The following PDLIM5 variants were observed in gnomAD, a reference collection of about 807,000 sequenced individuals.
PDLIM5 encodes the protein PDZ and LIM domain 5.
Under a neutral mutation model 64.2 loss-of-function variants are expected in PDLIM5, and 34 were observed. The ratio of observed to expected loss-of-function variants is 0.53; its 90% CI spans 0.40 to 0.71. The LOEUF (loss-of-function observed/expected upper bound fraction) is 0.71. PDLIM5 is among the 30% of genes least tolerant of loss of function. The pLI, the probability that PDLIM5 is intolerant of heterozygous loss-of-function variation, is 0.00. For missense variants in PDLIM5, 683 were observed against 733.6 expected, an observed-to-expected ratio of 0.93 and a Z score of 0.80; for synonymous variants, 253 against 269.1, an observed-to-expected ratio of 0.94 and a Z score of 0.59.
At chr4:94,538,728 ACTTT>A (rs910348615) in intron 3 of PDLIM5, among the ~76,000 whole-genome samples, 1 of 152,030 alleles carries the variant, frequency 6.6e-6, no homozygotes, top group Non-Finnish European at 1.5e-5. Context: ...CTTTTCTTAT[ACTTT>A]CTTTAAGTTG....
chr4:94,490,378 T>C (rs1230796045), intron 2 of PDLIM5, among the ~76,000 whole-genome samples: 3 of 152,040 alleles, frequency 2.0e-5, no homozygotes, highest in Non-Finnish European at 4.4e-5. Context: ...AAAATTAAAA[T>C]AAAAATAAGC....
chr4:94,454,427 A>G (rs919602999), intron 1 of PDLIM5, among the ~76,000 whole-genome samples: 3 of 152,098 alleles, frequency 2.0e-5, no homozygotes, highest in African/African-American at 7.2e-5. Flanking sequence ...AAAGCACCGA[A>G]GCACTGGTTC....
chr4:94,641,953 G>C (rs940220519), intron 9 of PDLIM5, among the ~76,000 whole-genome samples: 1 of 152,216 alleles, frequency 6.6e-6, no homozygotes, highest in Non-Finnish European at 1.5e-5. Context: ...GAAAGTGCTA[G>C]TATGGGGTCT....
At chr4:94,472,714 G>A (rs1724988638) in intron 2 of PDLIM5, among the ~76,000 whole-genome samples, 1 of 152,034 alleles carries the variant, frequency 6.6e-6, no homozygotes, top group Admixed American at 6.6e-5. Flanking sequence ...AGATAAAGTT[G>A]GGAGATTTGT....
chr4:94,654,520 C>T lies in PDLIM5; in HGVS notation c.1344C>T (p.His448=). The T allele has an allele frequency of 6.2e-7, 1 of 1,612,090 alleles. No homozygotes were observed. Among genetic ancestry groups the T allele is most frequent in the Non-Finnish European group, 8.5e-7 (1 of 1,178,152 alleles). Residue 448 remains histidine (H), a synonymous_variant, in exon 10 of 13, where the codon CAC becomes CAT. Coordinates refer to ENST00000317968, the MANE Select transcript of PDLIM5 (RefSeq NM_006457.5). ...ACCCAGAAGAATTCAACTGCGCTCA[C>T]TGCAAAAATACAATGGCCTACATTG... ...SWHPEEFNCA[H]CKNTMAYIGF...
intron 7 of PDLIM5, chr4:94,608,221 A>G (rs1446674592): frequency 7.1e-7 from 1 of 1,409,434 alleles, no homozygotes; most frequent in Non-Finnish European, 9.6e-7. Context: ...CAAAGCTGGT[A>G]GTGAATTTAA....
chr4:94,488,684 G>T (rs1726572927), intron 2 of PDLIM5, among the ~76,000 whole-genome samples: 1 of 152,100 alleles, frequency 6.6e-6, no homozygotes, highest in South Asian at 2.1e-4. Flanking sequence ...ATTTAAAATA[G>T]AACACTTACA....
chr4:94,478,718 A>G (rs1013051699), intron 2 of PDLIM5, among the ~76,000 whole-genome samples: 5 of 152,152 alleles, frequency 3.3e-5, no homozygotes, highest in Non-Finnish European at 5.9e-5. Context: ...TTACAAATGT[A>G]CAGGTCATGG....
chr4:94,667,247 G>C lies in PDLIM5; in HGVS notation c.*3180G>C, dbSNP rs1351585208. On this transcript the variant is annotated 3_prime_UTR_variant, in exon 13 of 13. Transcript: ENST00000317968. ...ATCTTTCTCTAGACTTCCATGGTCTGAATGTTGCCTGCTGAAGTAGCAACC... is the reference window on the plus strand; with the variant it reads ...ATCTTTCTCTAGACTTCCATGGTCTCAATGTTGCCTGCTGAAGTAGCAACC... 6.6e-6 allele frequency: 1 copy of C among 152,160 alleles called. No individual in the cohort carries two copies. Among genetic ancestry groups the C allele is most frequent in the African/African-American group, 2.4e-5 (1 of 41,436 alleles). The allele number at this position is 152,160 out of a possible 1,614,324, so 9.4% of individuals were successfully genotyped here. A position where few individuals can be genotyped will look rare whatever the true frequency, so the allele number is the denominator to read the frequency against.
chr4:94,657,518 T>C lies in PDLIM5; in HGVS notation c.1556T>C (p.Leu519Ser), dbSNP rs770629183. ...CCCATTCGGAACAATGTTTTTCACT[T>C]GGAGGATGGTGAACCCTACTGTGAG... ...GKPIRNNVFH[L>S]EDGEPYCETD... Residue 519 changes from leucine to serine, a missense_variant, in exon 11 of 13, where the codon TTG becomes TCG. Transcript: ENST00000317968. 3 of 1,611,044 alleles carry C rather than the reference T, an allele frequency of 1.9e-6. No individual in the cohort carries two copies. In the South Asian group the frequency reaches 3.3e-5, roughly 18 times the overall value.
intron 11 of PDLIM5, among the ~76,000 whole-genome samples, chr4:94,658,349 C>T (rs138642527): frequency 1.9e-3 from 296 of 152,312 alleles, no homozygotes; most frequent in African/African-American, 6.9e-3. Context: ...CTAAAAGGAC[C>T]TATCTACTGC....
At chr4:94,628,495 T>C (rs1221447765) in intron 8 of PDLIM5, among the ~76,000 whole-genome samples, 2 of 152,184 alleles carry the variant, frequency 1.3e-5, no homozygotes, top group Non-Finnish European at 2.9e-5. Context: ...GTTGTAGATA[T>C]TGACATTGAG....
At chr4:94,613,695 C>T (rs1378752398) in intron 7 of PDLIM5, among the ~76,000 whole-genome samples, 1 of 151,822 alleles carries the variant, frequency 6.6e-6, no homozygotes, top group African/African-American at 2.4e-5. Context: ...GTGGTATCAG[C>T]CAAGGGTATT....
At chr4:94,546,545 T>C (rs1732334903) in intron 3 of PDLIM5, among the ~76,000 whole-genome samples, 2 of 152,192 alleles carry the variant, frequency 1.3e-5, no homozygotes, top group African/African-American at 4.8e-5. Context: ...AGATTCTTTT[T>C]CCTAATACTC....
intron 12 of PDLIM5, 108 bp from the exon 13 acceptor site, chr4:94,663,870 A>G (rs908757986): frequency 1.0e-5 from 11 of 1,091,652 alleles, no homozygotes; most frequent in Admixed American, 2.8e-5. Context: ...GTGTTTTGTC[A>G]TATTATCCAT....
At chr4:94,517,111 T>C (rs1198650012) in intron 2 of PDLIM5, among the ~76,000 whole-genome samples, 1 of 152,236 alleles carries the variant, frequency 6.6e-6, no homozygotes, top group Non-Finnish European at 1.5e-5. Flanking sequence ...CTGCTCACTT[T>C]ACTAGTCCCT....
chr4:94,659,850 A>G (rs1742535934), intron 11 of PDLIM5, among the ~76,000 whole-genome samples: 1 of 149,968 alleles, frequency 6.7e-6, no homozygotes, highest in Admixed American at 6.7e-5. Context: ...TGAAATGTGA[A>G]TTAGATCAAG....
chr4:94,470,093 A>G (rs1724727423), intron 2 of PDLIM5, among the ~76,000 whole-genome samples: 2 of 149,296 alleles, frequency 1.3e-5, no homozygotes, highest in South Asian at 4.2e-4. Flanking sequence ...AAGCCTCCCC[A>G]GTAGCCGGGA....
At chr4:94,502,827 A>C (rs1380351192) in intron 2 of PDLIM5, among the ~76,000 whole-genome samples, 4 of 152,128 alleles carry the variant, frequency 2.6e-5, no homozygotes, top group Non-Finnish European at 5.9e-5. Context: ...CAGTGAGTCA[A>C]GATCATGCCA....
Sources: allele counts gnomAD v4.1 joint callset (sites outside exome capture counted in the v4.1 genomes callset), GRCh38; gene constraint gnomAD v4.1.1; transcripts MANE v1.5; gene names NCBI Gene and HGNC (gene_info 2026-07-23, HGNC 2026-07-21).